The following DNAH12 variants were observed in gnomAD, a reference collection of about 807,000 sequenced individuals.
DNAH12 encodes dynein axonemal heavy chain 12.
DNAH12 carries 285 observed loss-of-function variants against 371.5 expected under a neutral mutation model. That is an observed-to-expected ratio of 0.77 (90% confidence interval 0.70 to 0.85). The LOEUF (loss-of-function observed/expected upper bound fraction) is 0.85. Among genes scored for constraint, DNAH12 ranks in the 40% least tolerant of loss-of-function variants. The probability of loss-of-function intolerance (pLI) is 0.00; values close to 1 mark genes in which losing one functional copy is unlikely to be tolerated. For synonymous variants in DNAH12, 1,200 were observed against 1,213.0 expected, an observed-to-expected ratio of 0.99 and a Z score of 0.22; for missense variants, 3,611 against 3,689.4, an observed-to-expected ratio of 0.98 and a Z score of 0.55.
intron 11 of DNAH12, among the ~76,000 whole-genome samples, chr3:57,495,579 C>T (rs1394047256): frequency 2.6e-5 from 2 of 77,162 alleles, no homozygotes; most frequent in Non-Finnish European, 5.7e-5. Context: ...AGTGAGACTC[C>T]ATCTCAAAAA....
intron 39 of DNAH12, 130 bp from the exon 40 acceptor site, chr3:57,408,665 T>C: frequency 8.5e-7 from 1 of 1,182,724 alleles, no homozygotes. Flanking sequence ...GATAACACTT[T>C]GAGTAGGAGA....
At chr3:57,461,815 T>A in intron 18 of DNAH12, 126 bp from the exon 19 acceptor site, 1 of 753,240 alleles carries the variant, frequency 1.3e-6, no homozygotes, top group East Asian at 2.7e-5. Flanking sequence ...AGATAATCTG[T>A]GAGTACAGTA....
intron 63 of DNAH12, 38 bp from the exon 64 acceptor site, chr3:57,323,298 C>G (rs1221538609): frequency 6.5e-7 from 1 of 1,529,422 alleles, no homozygotes; most frequent in South Asian, 1.2e-5. Flanking sequence ...ACTACTTACT[C>G]TAAAATTATA....
rs1553681939 is a variant in DNAH12, at chr3:57,408,357, C to T, written c.6199G>A (p.Ala2067Thr). 3.2e-6 allele frequency: 5 copies of T among 1,551,506 alleles called. No homozygotes were observed. The highest frequency in any genetic ancestry group is 1.7e-4 in the Middle Eastern group (1 of 5,992). Residue 2067 changes from alanine to threonine, a missense_variant, in exon 40 of 74, where the codon GCA becomes ACA. Ala to Thr is a moderately conservative substitution (Grantham distance 58, BLOSUM62 0). Transcript: ENST00000495027. Reference sequence around the variant, plus strand: ...AATTCATGAGTTCTAAGGTAGAATGCTACAATAGATGAGAAGATTCGGACC... The same window carrying T: ...AATTCATGAGTTCTAAGGTAGAATGTTACAATAGATGAGAAGATTCGGACC... ...TMVRIFSSIVAFYLRTHEFPP... is the reference protein window; with the variant it reads ...TMVRIFSSIVTFYLRTHEFPP...
chr3:57,447,723 G>A (rs1222575076), intron 25 of DNAH12, among the ~76,000 whole-genome samples: 4 of 152,110 alleles, frequency 2.6e-5, no homozygotes, highest in Non-Finnish European at 5.9e-5. Context: ...TACCCAGGCT[G>A]GAGCACAGTG....
In DNAH12 at chr3:57,483,399, C is replaced by G; in HGVS notation, c.1627G>C (p.Glu543Gln). ...YVEKARTVGI[E>Q]ELILRIQESK... ...ACCTGGATCCTTAAAATCAACTCTT[C>G]GATTCCTACAGTCCGGGCTTTTTCT... is the stretch of plus-strand genomic sequence containing the variant. The change falls in exon 13 of 74, where the codon GAA becomes CAA. Residue 543 changes from glutamate to glutamine, a missense_variant. By Grantham distance (29) the Glu-to-Gln change is conservative. Around this residue, in one of 3 missense-constraint regions of DNAH12, gnomAD observed 1,314 missense variants for 1,398.7 expected, o/e 0.94. Transcript: ENST00000495027. 1.3e-6 allele frequency: 2 copies of G among 1,546,732 alleles called. No individual in the cohort carries two copies. The highest frequency in any genetic ancestry group is 1.7e-6 in the Non-Finnish European group (2 of 1,145,924).
chr3:57,466,516 G>A (rs760999896), intron 17 of DNAH12, among the ~76,000 whole-genome samples: 16 of 152,180 alleles, frequency 1.1e-4, no homozygotes, highest in Non-Finnish European at 2.1e-4. Context: ...TGGGCATGCT[G>A]ACAGTGGAAA....
intron 32 of DNAH12, 73 bp downstream of exon 32, chr3:57,433,294 C>G: frequency 2.1e-6 from 3 of 1,452,954 alleles, no homozygotes; most frequent in Non-Finnish European, 2.7e-6. Flanking sequence ...TAAATAGAGT[C>G]CTAGTTTAGT....
chr3:57,519,874 T>C (rs759192802), intron 4 of DNAH12: 1 of 956,480 alleles, frequency 1.0e-6, no homozygotes, highest in Non-Finnish European at 1.7e-6. Flanking sequence ...CATATCTCAC[T>C]CCACGGCCCA....
intron 34 of DNAH12, among the ~76,000 whole-genome samples, chr3:57,425,391 G>A (rs2064734407): frequency 6.6e-6 from 1 of 150,730 alleles, no homozygotes; most frequent in Admixed American, 6.6e-5. Context: ...AGGACTATAG[G>A]TGAGCACCAC....
At chr3:57,338,010 CCTCT>C (rs373113807) in intron 60 of DNAH12, among the ~76,000 whole-genome samples, 1 of 151,836 alleles carries the variant, frequency 6.6e-6, no homozygotes, top group African/African-American at 2.4e-5. Context: ...TTTCGCTCTC[CCTCT>C]CTCTCTCTTC....
intron 34 of DNAH12, among the ~76,000 whole-genome samples, chr3:57,425,465 G>A (rs1249702558): frequency 1.3e-5 from 2 of 151,736 alleles, no homozygotes. Context: ...GTGCAGTAGT[G>A]TGATCACAGC....
At chr3:57,520,064 TGG>T in intron 4 of DNAH12, 4 of 518,258 alleles carry the variant, frequency 7.7e-6, no homozygotes, top group Non-Finnish European at 1.4e-5. Flanking sequence ...CCGGAGGCTG[TGG>T]CGGCTCTGTG....
chr3:57,341,847 G>A (rs1470681872), intron 60 of DNAH12, among the ~76,000 whole-genome samples: 1 of 144,608 alleles, frequency 6.9e-6, no homozygotes, highest in Non-Finnish European at 1.5e-5. Flanking sequence ...ATGCATCACA[G>A]TACCAGGCTT....
intron 2 of DNAH12, among the ~76,000 whole-genome samples, chr3:57,542,434 TA>T (rs2153403850): frequency 1.3e-5 from 2 of 152,324 alleles, no homozygotes; most frequent in East Asian, 3.9e-4. Context: ...TATACCTCAG[TA>T]TACTCATCTA....
chr3:57,337,099 T>TA (rs2062241737), intron 60 of DNAH12, among the ~76,000 whole-genome samples: 1 of 152,166 alleles, frequency 6.6e-6, no homozygotes, highest in Admixed American at 6.5e-5. Context: ...TAGGAGTAGC[T>TA]ATATTTACAT....
intron 50 of DNAH12, among the ~76,000 whole-genome samples, chr3:57,381,236 GGTGTGT>G (rs1335752008): frequency 1.9e-4 from 29 of 149,198 alleles, no homozygotes; most frequent in African/African-American, 2.5e-4. Flanking sequence ...CTGATAGGGA[GGTGTGT>G]GTGTGTGTGT....
chr3:57,521,651 C>G (rs2068450910), intron 4 of DNAH12, among the ~76,000 whole-genome samples: 1 of 152,196 alleles, frequency 6.6e-6, no homozygotes, highest in Non-Finnish European at 1.5e-5. Flanking sequence ...CTTTGGGAGG[C>G]CAAGGTGGGT....
At chr3:57,304,330 T>C (rs1387031398) in intron 69 of DNAH12, among the ~76,000 whole-genome samples, 7 of 152,310 alleles carry the variant, frequency 4.6e-5, no homozygotes, top group Admixed American at 4.6e-4. Context: ...TCCTGCTCTT[T>C]GCTCGGTGAG....
Sources: gnomAD v4.1 joint callset for allele counts (sites outside exome capture counted in the v4.1 genomes callset) on GRCh38, gnomAD v4.1.1 for gene constraint, gnomAD v4.1.1 regional missense constraint, MANE v1.5 for transcripts, NCBI Gene and HGNC (gene_info 2026-07-23, HGNC 2026-07-21) for gene names.